SYTL3: variants seen among roughly 807,000 people sequenced by gnomAD.
The protein encoded by SYTL3 is synaptotagmin like 3, also known as synaptotagmin-like protein 3.
In SYTL3, 88 loss-of-function variants were observed where a neutral mutation model predicts 82.1. The ratio of observed to expected loss-of-function variants is 1.07; its 90% CI spans 0.90 to 1.28. SYTL3 has a LOEUF of 1.28. SYTL3 is among the 50% of genes most tolerant of loss of function. The pLI is 0.00. For missense variants in SYTL3, 831 were observed against 757.6 expected (o/e 1.10, Z -1.14); for synonymous variants, 311 against 289.4 (o/e 1.07, Z -0.76).
At chr6:158,660,158 G>A (rs774720830) in intron 2 of SYTL3, among the ~76,000 whole-genome samples, 9 of 152,062 alleles carry the variant, frequency 5.9e-5, no homozygotes, top group Non-Finnish European at 8.8e-5. Context: ...CCAGCTACTC[G>A]GAAGGCTGAA....
At chr6:158,758,395 A>C (rs1420763150) in intron 14 of SYTL3, among the ~76,000 whole-genome samples, 5 of 150,366 alleles carry the variant, frequency 3.3e-5, no homozygotes, top group African/African-American at 4.9e-5. Context: ...TCGAGATTGC[A>C]CCACTGCACT....
intron 2 of SYTL3, among the ~76,000 whole-genome samples, chr6:158,652,555 A>AT (rs1163776723): frequency 7.0e-6 from 1 of 141,878 alleles, no homozygotes; most frequent in Non-Finnish European, 1.5e-5. Flanking sequence ...GGCCTTATTT[A>AT]TTTTTTTGAG....
At chr6:158,670,727 A>T (rs1036571757) in intron 5 of SYTL3, among the ~76,000 whole-genome samples, 1 of 152,172 alleles carries the variant, frequency 6.6e-6, no homozygotes, top group African/African-American at 2.4e-5. Context: ...GGTTGCAATG[A>T]GCGGAGATCA....
chr6:158,744,807 A>G (rs557522745), intron 11 of SYTL3, among the ~76,000 whole-genome samples: 1 of 152,234 alleles, frequency 6.6e-6, no homozygotes, highest in African/African-American at 2.4e-5. Context: ...TAGGCCCAGG[A>G]ATTTTGTGCT....
At chr6:158,687,718 A>G (rs1353283538) in intron 6 of SYTL3, among the ~76,000 whole-genome samples, 1 of 152,148 alleles carries the variant, frequency 6.6e-6, no homozygotes, top group African/African-American at 2.4e-5. Flanking sequence ...TCTGCCCTTC[A>G]TTCTCACTTC....
At chr6:158,665,212 C>T (rs1040623753) in intron 4 of SYTL3, among the ~76,000 whole-genome samples, 183 bp from the exon 5 acceptor site, 3 of 152,120 alleles carry the variant, frequency 2.0e-5, no homozygotes. Context: ...TTGAAAAAAC[C>T]CTTGAGACTC....
chr6:158,747,548 C>T (rs1787835429), intron 12 of SYTL3, among the ~76,000 whole-genome samples: 1 of 152,290 alleles, frequency 6.6e-6, no homozygotes, highest in Non-Finnish European at 1.5e-5. Flanking sequence ...ACTGCAGGCT[C>T]AAGCCATCTC....
rs561321909 is a variant in SYTL3 at position 158,733,579 on chromosome 6, G to C, written c.855+7942G>C. Among the ~76,000 whole-genome samples, 2 of 151,600 alleles carry C rather than the reference G, an allele frequency of 1.3e-5. 1 individual carries two copies. The highest frequency in any genetic ancestry group is 4.8e-5 in the African/African-American group (2 of 41,298). On this transcript the variant is annotated intron_variant, in intron 11 of 17. Coordinates refer to ENST00000611299, the MANE Select transcript of SYTL3 (RefSeq NM_001242394.2). ...CCTGACCTCGTGATCCGCCCTCCTC[G>C]GCCTCCCAAAGTGCTGGGATGACAG...
chr6:158,678,171 C>A (rs1056828477), intron 5 of SYTL3, among the ~76,000 whole-genome samples: 2 of 152,190 alleles, frequency 1.3e-5, no homozygotes, highest in African/African-American at 4.8e-5. Context: ...CCCACCAATG[C>A]GACTTCTTGA....
chr6:158,758,692 A>T (rs929428638), intron 14 of SYTL3, among the ~76,000 whole-genome samples: 1 of 151,112 alleles, frequency 6.6e-6, no homozygotes, highest in Admixed American at 6.6e-5. Flanking sequence ...GCCTGTGCTG[A>T]CTCCCCCAAG....
chr6:158,758,914 C>G (rs542607353), intron 14 of SYTL3, among the ~76,000 whole-genome samples: 3 of 152,228 alleles, frequency 2.0e-5, no homozygotes, highest in Non-Finnish European at 4.4e-5. Flanking sequence ...GCTCCTGCCC[C>G]AGCCACGTTG....
At chr6:158,757,462 A>G (rs1789282852) in intron 14 of SYTL3, 81 bp downstream of exon 14, 1 of 1,469,252 alleles carries the variant, frequency 6.8e-7, no homozygotes, top group Non-Finnish European at 9.3e-7. Flanking sequence ...CCAGAAGAGA[A>G]AACGTACCTG....
At chr6:158,752,647 G>A (rs1045308168) in intron 13 of SYTL3, among the ~76,000 whole-genome samples, 4 of 152,236 alleles carry the variant, frequency 2.6e-5, no homozygotes, top group African/African-American at 9.7e-5. Context: ...TATCTGCAGA[G>A]AGCTGGCTGT....
At chr6:158,732,954 G>A (rs75092846) in intron 11 of SYTL3, among the ~76,000 whole-genome samples, 516 of 134,052 alleles carry the variant, frequency 3.8e-3, no homozygotes, top group Middle Eastern at 7.9e-3. Flanking sequence ...AGTTTAAAAA[G>A]AAAAAAAAAA....
At chr6:158,753,729 C>A (rs78257315) in intron 13 of SYTL3, among the ~76,000 whole-genome samples, 1,292 of 109,072 alleles carry the variant, frequency 0.012, no homozygotes, top group East Asian at 0.023. Context: ...GACTCCGTCT[C>A]AAAAAAAAAA....
chr6:158,705,889 C>T (rs926996282), intron 6 of SYTL3, among the ~76,000 whole-genome samples: 2 of 152,150 alleles, frequency 1.3e-5, no homozygotes, highest in African/African-American at 2.4e-5. Flanking sequence ...GGTCTGTGCT[C>T]GCCCCAGGAT....
intron 11 of SYTL3, among the ~76,000 whole-genome samples, chr6:158,744,614 C>T (rs376292264): frequency 1.3e-5 from 2 of 152,144 alleles, no homozygotes; most frequent in Non-Finnish European, 2.9e-5. Flanking sequence ...CCACTGCACC[C>T]GGCACTCCCA....
intron 5 of SYTL3, among the ~76,000 whole-genome samples, chr6:158,672,729 TC>T (rs1187037436): frequency 6.6e-6 from 1 of 152,036 alleles, no homozygotes; most frequent in Non-Finnish European, 1.5e-5. Context: ...CCTCCTGGGT[TC>T]AAGTGAGTCT....
chr6:158,712,759 CTTTTT>C (rs56677894), intron 8 of SYTL3, among the ~76,000 whole-genome samples: 1 of 127,658 alleles, frequency 7.8e-6, no homozygotes, highest in Non-Finnish European at 1.7e-5. Flanking sequence ...TTCTTTCTTT[CTTTTT>C]TTTTTTTTTT....
Sources: allele counts gnomAD v4.1 joint callset (sites outside exome capture counted in the v4.1 genomes callset), GRCh38; gene constraint gnomAD v4.1.1; transcripts MANE v1.5; gene names NCBI Gene and HGNC (gene_info 2026-07-23, HGNC 2026-07-21).